EXT1: variants seen among roughly 807,000 people sequenced by gnomAD.
EXT1 encodes the protein exostosin-1.
In EXT1, 20 loss-of-function variants were observed where a neutral mutation model predicts 82.5. That is an observed-to-expected ratio of 0.24 (90% CI 0.17 to 0.35). EXT1 has a LOEUF of 0.35. EXT1 is among the 10% of genes least tolerant of loss of function. EXT1 has a pLI of 1.00. For missense variants in EXT1, 757 were observed against 936.5 expected, an observed-to-expected ratio of 0.81 and a Z score of 2.50; for synonymous variants, 348 against 350.8, an observed-to-expected ratio of 0.99 and a Z score of 0.09.
intron 1 of EXT1, among the ~76,000 whole-genome samples, chr8:118,041,783 C>T (rs1456576332): frequency 6.6e-6 from 1 of 151,866 alleles, no homozygotes; most frequent in Non-Finnish European, 1.5e-5. Context: ...CCTGTCTCTA[C>T]TAAAAAATAC....
intron 1 of EXT1, among the ~76,000 whole-genome samples, chr8:117,979,469 A>C (rs1195248528): frequency 2.0e-5 from 3 of 152,140 alleles, no homozygotes; most frequent in African/African-American, 7.2e-5. Context: ...ATTGTTTGGC[A>C]GAGGGTGATC....
chr8:118,087,465 A>G (rs1817443490), intron 1 of EXT1, among the ~76,000 whole-genome samples: 1 of 152,222 alleles, frequency 6.6e-6, no homozygotes, highest in African/African-American at 2.4e-5. Context: ...TAGAAGTTTG[A>G]TGTGTACTTT....
intron 1 of EXT1, among the ~76,000 whole-genome samples, chr8:118,030,731 C>T (rs1331083080): frequency 6.6e-6 from 1 of 152,208 alleles, no homozygotes; most frequent in African/African-American, 2.4e-5. Context: ...ATCTACCCGC[C>T]TCAGCCTCCC....
intron 1 of EXT1, among the ~76,000 whole-genome samples, chr8:117,980,031 A>C (rs918411443): frequency 6.6e-6 from 1 of 152,150 alleles, no homozygotes; most frequent in Non-Finnish European, 1.5e-5. Context: ...TCCATGGTGT[A>C]ATGACTGTGG....
chr8:117,905,673 G>A (rs1419734550), intron 1 of EXT1, among the ~76,000 whole-genome samples: 2 of 152,210 alleles, frequency 1.3e-5, no homozygotes, highest in Admixed American at 6.5e-5. Context: ...TTAGCCGGGC[G>A]TGGTGGCGGG....
At chr8:117,920,940 C>T (rs1813843381) in intron 1 of EXT1, among the ~76,000 whole-genome samples, 1 of 152,194 alleles carries the variant, frequency 6.6e-6, no homozygotes, top group African/African-American at 2.4e-5. Flanking sequence ...CATGGATTTA[C>T]AAGACTCCCC....
intron 1 of EXT1, among the ~76,000 whole-genome samples, chr8:118,013,125 C>G (rs933693332): frequency 2.6e-5 from 4 of 151,914 alleles, no homozygotes; most frequent in Non-Finnish European, 5.9e-5. Flanking sequence ...CCTCAACATC[C>G]CAGGCTCAGG....
chr8:117,830,121 G>T, intron 4 of EXT1, 109 bp downstream of exon 4: 1 of 1,395,804 alleles, frequency 7.2e-7, no homozygotes. Flanking sequence ...ACAGGAATCT[G>T]GTTTTGCCCC....
intron 1 of EXT1, among the ~76,000 whole-genome samples, chr8:117,896,586 A>G (rs1813343061): frequency 6.6e-6 from 1 of 152,194 alleles, no homozygotes; most frequent in Non-Finnish European, 1.5e-5. Context: ...GCCATCATCC[A>G]GATTAAAAAT....
chr8:117,989,844 CA>C (rs796829051), intron 1 of EXT1, among the ~76,000 whole-genome samples: 5 of 152,008 alleles, frequency 3.3e-5, no homozygotes, highest in African/African-American at 1.2e-4. Context: ...GCAACTATGC[CA>C]AAAAAACAAA....
At chr8:118,027,229 T>C (rs571232067) in intron 1 of EXT1, among the ~76,000 whole-genome samples, 5 of 152,304 alleles carry the variant, frequency 3.3e-5, no homozygotes, top group African/African-American at 1.2e-4. Context: ...TATCTATTTG[T>C]ATCATCAGAA....
chr8:117,815,226 G>C (rs577484243), intron 7 of EXT1, among the ~76,000 whole-genome samples: 11 of 152,272 alleles, frequency 7.2e-5, no homozygotes, highest in Non-Finnish European at 1.2e-4. Flanking sequence ...GCCCACAGGG[G>C]AAAACTGCAA....
intron 1 of EXT1, among the ~76,000 whole-genome samples, chr8:118,099,279 C>T (rs1817674672): frequency 6.6e-6 from 1 of 152,152 alleles, no homozygotes; most frequent in Non-Finnish European, 1.5e-5. Flanking sequence ...TTCTTCTGGG[C>T]ATTACATTTT....
At chr8:117,968,771 A>T (rs1047715085) in intron 1 of EXT1, among the ~76,000 whole-genome samples, 2 of 113,230 alleles carry the variant, frequency 1.8e-5, no homozygotes, top group African/African-American at 5.6e-5. Flanking sequence ...GGGTTTCACC[A>T]GGTTAGCCAG....
chr8:118,096,427 G>T (rs1339273200), intron 1 of EXT1, among the ~76,000 whole-genome samples: 1 of 151,958 alleles, frequency 6.6e-6, no homozygotes, highest in Non-Finnish European at 1.5e-5. Flanking sequence ...TCGAGACCAT[G>T]CTGGCCAACA....
At chr8:118,105,671 TG>T in intron 1 of EXT1, among the ~76,000 whole-genome samples, 1 of 152,154 alleles carries the variant, frequency 6.6e-6, no homozygotes, top group Non-Finnish European at 1.5e-5. Flanking sequence ...CTGTGCTAAT[TG>T]GGTTTATGTT....
intron 1 of EXT1, among the ~76,000 whole-genome samples, chr8:118,046,232 C>A (rs995542132): frequency 5.3e-5 from 8 of 152,170 alleles, no homozygotes; most frequent in African/African-American, 1.7e-4. Flanking sequence ...TCCCTGGTTA[C>A]CTAATTCTTG....
chr8:117,858,733 G>A lies in EXT1; in HGVS notation c.963-21532C>T, dbSNP rs866879176. The stretch of plus-strand genomic sequence containing the variant: ...AGAAAGAAGGAAGGAAGGAAGGAAG[G>A]AAGGAAGGAAGGAAGGAAGGAAGGA... On this transcript the variant is annotated intron_variant, in intron 1 of 10. Coordinates refer to ENST00000378204, the MANE Select transcript of EXT1 (RefSeq NM_000127.3). 7.0e-4 allele frequency among the ~76,000 whole-genome samples: 24 copies of A among 34,160 alleles called. No homozygotes were observed. The South Asian group carries it at 8.0e-3, about 11-fold the overall frequency. The allele number at this position is 34,160 out of a possible 152,430, so 22.4% of individuals were successfully genotyped here.
chr8:117,855,230 A>T (rs1299607807), intron 1 of EXT1, among the ~76,000 whole-genome samples: 1 of 152,180 alleles, frequency 6.6e-6, no homozygotes, highest in Non-Finnish European at 1.5e-5. Flanking sequence ...ATATGGGCCT[A>T]GCTTCACTTT....
Sources: gnomAD v4.1 joint callset for allele counts (sites outside exome capture counted in the v4.1 genomes callset) on GRCh38, gnomAD v4.1.1 for gene constraint, MANE v1.5 for transcripts, NCBI Gene and HGNC (gene_info 2026-07-23, HGNC 2026-07-21) for gene names.